PCDH7: variants seen among roughly 807,000 people sequenced by gnomAD.
The protein encoded by PCDH7 is protocadherin 7.
PCDH7 carries 17 observed loss-of-function variants against 58.9 expected under a neutral mutation model. The ratio of observed to expected loss-of-function variants is 0.29; its 90% CI spans 0.20 to 0.43. The LOEUF is 0.43. Ranked by LOEUF, PCDH7 falls within the 20% of genes least tolerant of loss-of-function variation. The pLI is 1.00. For missense variants in PCDH7, 1,274 were observed against 1,441.0 expected, an observed-to-expected ratio of 0.88 and a Z score of 1.88; for synonymous variants, 664 against 616.4, an observed-to-expected ratio of 1.08 and a Z score of -1.14.
chr4:31,014,549 T>C (rs575753729), intron 3 of PCDH7, among the ~76,000 whole-genome samples: 34 of 152,276 alleles, frequency 2.2e-4, no homozygotes, highest in African/African-American at 7.7e-4. Flanking sequence ...CAACTACACG[T>C]AAGCCAGTTA....
chr4:30,860,776 CAT>C (rs2109353955), intron 1 of PCDH7, among the ~76,000 whole-genome samples: 1 of 152,196 alleles, frequency 6.6e-6, no homozygotes, highest in South Asian at 2.1e-4. Context: ...CCAAATTTAA[CAT>C]GTGACTCTTC....
intron 1 of PCDH7, among the ~76,000 whole-genome samples, chr4:30,892,496 G>A (rs1236085469): frequency 1.3e-5 from 2 of 151,874 alleles, no homozygotes; most frequent in African/African-American, 4.8e-5. Flanking sequence ...AATATTTCAT[G>A]GTGAAATAGA....
chr4:30,752,931 T>C (rs1310470875), intron 1 of PCDH7, among the ~76,000 whole-genome samples: 1 of 152,110 alleles, frequency 6.6e-6, no homozygotes, highest in Admixed American at 6.5e-5. Context: ...AATAAGTAAA[T>C]GGCATATTAC....
At chr4:31,023,201 TAC>T (rs1183142894) in intron 3 of PCDH7, among the ~76,000 whole-genome samples, 7 of 152,214 alleles carry the variant, frequency 4.6e-5, no homozygotes, top group African/African-American at 1.7e-4. Context: ...AATGAAAAAG[TAC>T]AGTCTTTGAC....
At chr4:30,874,824 C>A (rs950040177) in intron 1 of PCDH7, among the ~76,000 whole-genome samples, 3 of 151,880 alleles carry the variant, frequency 2.0e-5, no homozygotes, top group African/African-American at 7.2e-5. Flanking sequence ...TACTTAACTA[C>A]CTCTGTCTCA....
chr4:30,740,503 G>C (rs1382109808), intron 1 of PCDH7, among the ~76,000 whole-genome samples: 1 of 151,710 alleles, frequency 6.6e-6, no homozygotes, highest in South Asian at 2.1e-4. Context: ...TATGTATATA[G>C]TTTGTTATTT....
intron 2 of PCDH7, among the ~76,000 whole-genome samples, chr4:30,929,568 G>A (rs914013618): frequency 6.6e-6 from 1 of 151,992 alleles, no homozygotes; most frequent in Non-Finnish European, 1.5e-5. Context: ...TAATGTTAAA[G>A]GAAATTAATT....
At chr4:31,006,042 G>GA (rs1344668010) in intron 3 of PCDH7, among the ~76,000 whole-genome samples, 3 of 152,056 alleles carry the variant, frequency 2.0e-5, no homozygotes, top group East Asian at 1.9e-4. Context: ...TCAGGAGAAT[G>GA]AAAAAATATA....
At chr4:30,863,457 C>A (rs1463489475) in intron 1 of PCDH7, among the ~76,000 whole-genome samples, 1 of 152,028 alleles carries the variant, frequency 6.6e-6, no homozygotes, top group Non-Finnish European at 1.5e-5. Flanking sequence ...GTCCCTACAA[C>A]AAATGATCGT....
At chr4:30,933,826 G>A (rs377465975) in intron 2 of PCDH7, among the ~76,000 whole-genome samples, 1 of 152,116 alleles carries the variant, frequency 6.6e-6, no homozygotes, top group African/African-American at 2.4e-5. Flanking sequence ...TAATTCTCAG[G>A]TAATTCTCAC....
intron 1 of PCDH7, among the ~76,000 whole-genome samples, chr4:30,759,550 A>C (rs781036556): frequency 2.6e-5 from 4 of 152,188 alleles, no homozygotes; most frequent in Admixed American, 6.5e-5. Flanking sequence ...GTGAAAAGAT[A>C]GAAGTTGAAT....
chr4:30,728,290 T>TAG (rs1360784357), intron 1 of PCDH7, among the ~76,000 whole-genome samples: 8 of 93,702 alleles, frequency 8.5e-5, no homozygotes, highest in Non-Finnish European at 1.4e-4. Flanking sequence ...TATATATATA[T>TAG]ATATATAGAG....
At chr4:30,943,571 A>G (rs899404006) in intron 2 of PCDH7, among the ~76,000 whole-genome samples, 4 of 152,078 alleles carry the variant, frequency 2.6e-5, no homozygotes, top group African/African-American at 4.8e-5. Context: ...CTTTCATCAG[A>G]GTGGTCTTAA....
chr4:30,843,628 C>CA (rs538166985), intron 1 of PCDH7, among the ~76,000 whole-genome samples: 1 of 152,080 alleles, frequency 6.6e-6, no homozygotes. Flanking sequence ...ATAAAGCAAA[C>CA]AAAAAACCAA....
At chr4:31,099,571 G>T (rs1714627451) in intron 3 of PCDH7, among the ~76,000 whole-genome samples, 1 of 152,202 alleles carries the variant, frequency 6.6e-6, no homozygotes, top group African/African-American at 2.4e-5. Context: ...GGCATATGTA[G>T]TTTATTTATT....
At chr4:31,066,722 C>T (rs913486811) in intron 3 of PCDH7, among the ~76,000 whole-genome samples, 1 of 151,848 alleles carries the variant, frequency 6.6e-6, no homozygotes, top group African/African-American at 2.4e-5. Flanking sequence ...CAATACTTAA[C>T]ATCCCAAATA....
intron 1 of PCDH7, among the ~76,000 whole-genome samples, chr4:30,817,465 G>T (rs1283667908): frequency 6.6e-6 from 1 of 152,094 alleles, no homozygotes; most frequent in Non-Finnish European, 1.5e-5. Flanking sequence ...TTCTTAATTT[G>T]TCCTTTTGTC....
chr4:30,856,962 T>C (rs538171641), intron 1 of PCDH7, among the ~76,000 whole-genome samples: 33 of 152,014 alleles, frequency 2.2e-4, no homozygotes, highest in Non-Finnish European at 3.7e-4. Flanking sequence ...ATGACTCTAC[T>C]TTGTCAGGCA....
At chr4:31,001,633 T>C (rs1346888968) in intron 3 of PCDH7, among the ~76,000 whole-genome samples, 1 of 152,150 alleles carries the variant, frequency 6.6e-6, no homozygotes, top group African/African-American at 2.4e-5. Context: ...TTTATAAGCA[T>C]TGATTTATAT....
Sources: allele counts gnomAD v4.1 joint callset (sites outside exome capture counted in the v4.1 genomes callset), GRCh38; gene constraint gnomAD v4.1.1; transcripts MANE v1.5; gene names NCBI Gene and HGNC (gene_info 2026-07-23, HGNC 2026-07-21).